SPIDR: variants seen among roughly 807,000 people sequenced by gnomAD.
SPIDR encodes the protein DNA repair-scaffolding protein.
In SPIDR, 93 loss-of-function variants were observed where a neutral mutation model predicts 104.6. That is an observed-to-expected ratio of 0.89 (90% CI 0.75 to 1.06). The LOEUF is 1.06. SPIDR is among the 50% of genes least tolerant of loss of function. The probability of loss-of-function intolerance (pLI) is 0.00; values close to 1 mark genes in which losing one functional copy is unlikely to be tolerated. For missense variants in SPIDR, 1,154 were observed against 1,111.2 expected (o/e 1.04, Z -0.55); for synonymous variants, 431 against 416.9 (o/e 1.03, Z -0.41).
At chr8:47,477,012 C>T (rs2076365834) in intron 8 of SPIDR, among the ~76,000 whole-genome samples, 2 of 152,130 alleles carry the variant, frequency 1.3e-5, no homozygotes, top group Admixed American at 1.3e-4. Context: ...TACAAGCTGC[C>T]AGAGTAACAG....
At chr8:47,385,220 G>T (rs1234560661) in intron 5 of SPIDR, among the ~76,000 whole-genome samples, 9 of 152,152 alleles carry the variant, frequency 5.9e-5, no homozygotes, top group Non-Finnish European at 1.5e-5. Flanking sequence ...AAGAATATCT[G>T]TATGTGTTCT....
intron 4 of SPIDR, among the ~76,000 whole-genome samples, chr8:47,293,124 T>C (rs2154239675): frequency 6.6e-6 from 1 of 152,224 alleles, no homozygotes; most frequent in East Asian, 1.9e-4. Context: ...TCTGTTATGA[T>C]CATTATAGTG....
At chr8:47,697,167 A>T (rs893600041) in intron 11 of SPIDR, among the ~76,000 whole-genome samples, 1 of 151,920 alleles carries the variant, frequency 6.6e-6, no homozygotes, top group Non-Finnish European at 1.5e-5. Flanking sequence ...GACTCGTGAC[A>T]TGTCGGGGTG....
At chr8:47,666,758 G>C (rs1418836258) in intron 10 of SPIDR, among the ~76,000 whole-genome samples, 2 of 152,024 alleles carry the variant, frequency 1.3e-5, no homozygotes, top group Admixed American at 1.3e-4. Flanking sequence ...AAATTTGTGG[G>C]AGTAATGTGT....
chr8:47,673,649 T>C (rs1458913646), intron 10 of SPIDR, 152 bp from the exon 11 acceptor site: 4 of 1,031,094 alleles, frequency 3.9e-6, no homozygotes, highest in Non-Finnish European at 5.7e-6. Context: ...TTTCTTTTTT[T>C]TTTCCCCCCT....
chr8:47,519,373 G>A (rs946007408), intron 8 of SPIDR, among the ~76,000 whole-genome samples: 1 of 152,176 alleles, frequency 6.6e-6, no homozygotes, highest in African/African-American at 2.4e-5. Flanking sequence ...TCAAACTCCT[G>A]ACCTCAGGTG....
In SPIDR at chr8:47,263,280, C is replaced by T. The variant is rs566840387; in HGVS notation, c.33+2289C>T. 1.8e-4 allele frequency among the ~76,000 whole-genome samples: 27 copies of T among 152,308 alleles called. 1 individual carries two copies. The highest frequency in any genetic ancestry group is 6.0e-4 in the African/African-American group (25 of 41,584). ...CTTTACAGCTTTGCTCATTATTTAT[C>T]TTATAGGTAAACTAGACTACTGCGT... On this transcript the variant is annotated intron_variant, in intron 1 of 19. Coordinates refer to ENST00000297423, the MANE Select transcript of SPIDR (RefSeq NM_001080394.4).
At chr8:47,481,524 C>A (rs1292824838) in intron 8 of SPIDR, among the ~76,000 whole-genome samples, 1 of 152,138 alleles carries the variant, frequency 6.6e-6, no homozygotes, top group Non-Finnish European at 1.5e-5. Context: ...GCCTGTAATC[C>A]CAGCTACTCT....
At chr8:47,490,229 C>G (rs2078449662) in intron 8 of SPIDR, among the ~76,000 whole-genome samples, 1 of 152,158 alleles carries the variant, frequency 6.6e-6, no homozygotes, top group Non-Finnish European at 1.5e-5. Context: ...TTTATGCAGT[C>G]AACAGACACA....
chr8:47,473,773 C>G (rs2075985284), intron 8 of SPIDR, among the ~76,000 whole-genome samples: 1 of 152,166 alleles, frequency 6.6e-6, no homozygotes, highest in Non-Finnish European at 1.5e-5. Flanking sequence ...TGTTTTCTCA[C>G]AGGATCTGGA....
intron 16 of SPIDR, among the ~76,000 whole-genome samples, chr8:47,724,685 A>G (rs531284759): frequency 5.3e-5 from 8 of 152,300 alleles, no homozygotes; most frequent in Admixed American, 2.0e-4. Flanking sequence ...CAGAGTTTAA[A>G]AGGACCCTGA....
chr8:47,439,362 A>G (rs1554694683), intron 7 of SPIDR, among the ~76,000 whole-genome samples: 6 of 152,248 alleles, frequency 3.9e-5, no homozygotes, highest in African/African-American at 1.4e-4. Context: ...TTAAAATTAC[A>G]TTATAGGTGT....
chr8:47,723,362 A>G (rs2083698186), intron 16 of SPIDR, among the ~76,000 whole-genome samples: 1 of 148,296 alleles, frequency 6.7e-6, no homozygotes, highest in South Asian at 2.2e-4. Context: ...CTCTCTGCCT[A>G]TTCTGATTTT....
intron 6 of SPIDR, among the ~76,000 whole-genome samples, chr8:47,406,985 C>A (rs73676337): frequency 9.9e-5 from 15 of 152,202 alleles, no homozygotes; most frequent in African/African-American, 3.6e-4. Flanking sequence ...CATTGATACC[C>A]GATATAGCAT....
chr8:47,350,651 G>C (rs1314701571), intron 5 of SPIDR, among the ~76,000 whole-genome samples: 4 of 152,154 alleles, frequency 2.6e-5, no homozygotes, highest in African/African-American at 9.7e-5. Context: ...AAACCTTATA[G>C]TACTTTATTA....
In SPIDR at chr8:47,355,735, A is replaced by G. The variant is rs542324875; in HGVS notation, c.526-40641A>G. The stretch of plus-strand genomic sequence containing the variant: ...TGGAAGTTACATGTTTTCCCATTAA[A>G]TCTTCCTTTGACAAAAATATTTATT... On this transcript the variant is annotated intron_variant, in intron 5 of 19. Coordinates refer to ENST00000297423, the MANE Select transcript of SPIDR (RefSeq NM_001080394.4). Among the ~76,000 whole-genome samples the G allele has an allele frequency of 2.0e-5, 3 of 152,328 alleles. No individual in the cohort carries two copies. In the East Asian group the frequency reaches 5.8e-4, roughly 29 times the overall value.
chr8:47,629,020 A>G (rs2066637753), intron 10 of SPIDR, among the ~76,000 whole-genome samples: 1 of 152,236 alleles, frequency 6.6e-6, no homozygotes, highest in African/African-American at 2.4e-5. Flanking sequence ...TTGTAAAAAT[A>G]TAAGGACTGA....
chr8:47,516,300 A>AT (rs1399734831), intron 8 of SPIDR, among the ~76,000 whole-genome samples: 2 of 152,236 alleles, frequency 1.3e-5, no homozygotes, highest in African/African-American at 4.8e-5. Context: ...AAAAATTACC[A>AT]TTTTAACCAT....
chr8:47,683,800 T>C (rs2077390799), intron 11 of SPIDR, among the ~76,000 whole-genome samples: 1 of 152,146 alleles, frequency 6.6e-6, no homozygotes, highest in African/African-American at 2.4e-5. Flanking sequence ...GTTATTTTTG[T>C]ATCTTCTGTA....
Sources: gnomAD v4.1 joint callset for allele counts (sites outside exome capture counted in the v4.1 genomes callset) on GRCh38, gnomAD v4.1.1 for gene constraint, MANE v1.5 for transcripts, NCBI Gene and HGNC (gene_info 2026-07-23, HGNC 2026-07-21) for gene names.